Variants in SNX31 observed in about 807,000 individuals in gnomAD.
SNX31 encodes the protein sorting nexin 31.
In SNX31, 58 loss-of-function variants were observed where a neutral mutation model predicts 65.4. The ratio of observed to expected loss-of-function variants is 0.89; its 90% CI spans 0.72 to 1.10. SNX31 has a LOEUF of 1.10. Among genes scored for constraint, SNX31 ranks in the 50% least tolerant of loss-of-function variants. The pLI is 0.00. For synonymous variants in SNX31, 181 were observed against 190.1 expected (o/e 0.95, Z 0.39); for missense variants, 523 against 529.7 (o/e 0.99, Z 0.12).
chr8:100,651,792 C>T (rs77995987), upstream of SNX31, among the ~76,000 whole-genome samples: 76 of 152,298 alleles, frequency 5.0e-4, no homozygotes, highest in African/African-American at 1.8e-3. Context: ...ATTCTCATTT[C>T]ACAGATGGGG....
upstream of SNX31, among the ~76,000 whole-genome samples, chr8:100,651,287 C>T (rs545525184): frequency 6.6e-6 from 1 of 152,324 alleles, no homozygotes; most frequent in African/African-American, 2.4e-5. Flanking sequence ...CTCCCTATAC[C>T]AAGGCCAGGG....
chr8:100,661,007 AT>A (rs10641759), intron 1 of SNX31, among the ~76,000 whole-genome samples: 203 of 140,484 alleles, frequency 1.4e-3, no homozygotes, highest in Middle Eastern at 3.8e-3. Context: ...GCAGGTCGAT[AT>A]TTTTTTTTTT....
chr8:100,662,673 G>GA (rs1177298854), intron 1 of SNX31, among the ~76,000 whole-genome samples: 7 of 152,268 alleles, frequency 4.6e-5, no homozygotes, highest in African/African-American at 1.2e-4. Flanking sequence ...CTCCAGCCTA[G>GA]GCCACAGAGC....
intron 1 of SNX31, among the ~76,000 whole-genome samples, chr8:100,659,840 C>A (rs1809750082): frequency 6.6e-6 from 1 of 152,088 alleles, no homozygotes; most frequent in Non-Finnish European, 1.5e-5. Flanking sequence ...AAAATGAGGT[C>A]TTTCAAGACA....
At chr8:100,585,716 T>TAATA (rs1164806663) in intron 11 of SNX31, among the ~76,000 whole-genome samples, 1 of 152,022 alleles carries the variant, frequency 6.6e-6, no homozygotes, top group Non-Finnish European at 1.5e-5. Flanking sequence ...CAAAACCAGA[T>TAATA]AATAAAATAA....
intron 2 of SNX31, among the ~76,000 whole-genome samples, chr8:100,642,246 A>G (rs972549632): frequency 8.5e-5 from 13 of 152,156 alleles, no homozygotes; most frequent in African/African-American, 3.1e-4. Context: ...TGCTAATTCC[A>G]TTAAATAGAA....
chr8:100,574,845 G>T (rs1812912470), intron 13 of SNX31, among the ~76,000 whole-genome samples: 2 of 152,192 alleles, frequency 1.3e-5, no homozygotes, highest in South Asian at 4.2e-4. Flanking sequence ...GAGGCAGGAG[G>T]ATCGCTTGAA....
intron 10 of SNX31, among the ~76,000 whole-genome samples, chr8:100,592,926 C>G (rs1323263062): frequency 1.3e-5 from 2 of 152,162 alleles, no homozygotes; most frequent in Admixed American, 6.5e-5. Context: ...AAGCGGTTAC[C>G]TCCTCATGCC....
At chr8:100,611,016 A>G (rs1281537293) in intron 7 of SNX31, among the ~76,000 whole-genome samples, 1 of 151,958 alleles carries the variant, frequency 6.6e-6, no homozygotes, top group South Asian at 2.1e-4. Context: ...CCTGCTGCTC[A>G]GCGCTATTTT....
At chr8:100,589,297 G>C (rs1479379262) in intron 10 of SNX31, among the ~76,000 whole-genome samples, 2 of 110,442 alleles carry the variant, frequency 1.8e-5, no homozygotes, top group South Asian at 5.9e-4. Context: ...GTGAGACTTC[G>C]TCTCAAAAAA....
Position 100,657,153 on chromosome 8 carries a change from A to G in SNX31, c.-58+5989T>C, listed in dbSNP as rs187736970. ...AGACTTGAATTAATCAGGCATGGGA[A>G]GTAAAGAAAAGAAGGGAGGCTGGGC... On this transcript the variant is annotated intron_variant, in intron 1 of 5. Coordinates refer to the SNX31 transcript ENST00000520352. Among the ~76,000 whole-genome samples the G allele has an allele frequency of 1.1e-4, 16 of 151,998 alleles. No individual in the cohort carries two copies. The East Asian group carries it at 3.1e-3, about 29-fold the overall frequency.
At chr8:100,627,655 C>T (rs1284070797) in intron 4 of SNX31, among the ~76,000 whole-genome samples, 1 of 152,152 alleles carries the variant, frequency 6.6e-6, no homozygotes, top group African/African-American at 2.4e-5. Context: ...AATTCTGCCT[C>T]AGCCTCCCAA....
Position 100,622,365 on chromosome 8 carries a change from T to C in SNX31, c.322-4635A>G, listed in dbSNP as rs1321716437. 6.6e-6 allele frequency among the ~76,000 whole-genome samples: 1 copy of C among 152,148 alleles called. No individual in the cohort carries two copies. Among genetic ancestry groups the C allele is most frequent in the Non-Finnish European group, 1.5e-5 (1 of 68,018 alleles). On this transcript the variant is annotated intron_variant, in intron 4 of 13. Coordinates refer to ENST00000311812, the MANE Select transcript of SNX31 (RefSeq NM_152628.4). The surrounding 1 kb of genome is among the most constrained non-coding windows in gnomAD (Gnocchi z 5.0). Reference sequence around the variant, plus strand: ...GCATAGTAGCGTCCGCAATGGGGCATTTTCCAGGTGTGGTGGCTCACGCCT... The same window carrying C: ...GCATAGTAGCGTCCGCAATGGGGCACTTTCCAGGTGTGGTGGCTCACGCCT...
chr8:100,630,441 T>A lies in SNX31; in HGVS notation c.257-50A>T. On this transcript the variant is annotated intron_variant, in intron 3 of 13. Coordinates refer to ENST00000311812, the MANE Select transcript of SNX31 (RefSeq NM_152628.4). This position sits in a 1 kb window ranked among gnomAD's most constrained non-coding sequence, Gnocchi z 5.3. ...GGTTAGCATGGGCTGGGCTGGGCCC[T>A]GCCTATTAATTGCTATGTCCTCCAG... is the stretch of plus-strand genomic sequence containing the variant. 1.3e-6 allele frequency: 2 copies of A among 1,491,556 alleles called. No individual in the cohort carries two copies. The highest frequency in any genetic ancestry group is 1.8e-6 in the Non-Finnish European group (2 of 1,084,338). 92.4% of individuals were successfully genotyped at this position (1,491,556 alleles called of 1,614,324 possible). A position where few individuals can be genotyped will look rare whatever the true frequency, so the allele number is the denominator to read the frequency against.
rs1813059957 is a variant in SNX31 at position 100,576,540 on chromosome 8, T to A, written c.1227+479A>T. Among the ~76,000 whole-genome samples the A allele has an allele frequency of 6.6e-6, 1 of 152,212 alleles. No homozygotes were observed. Among genetic ancestry groups the A allele is most frequent in the African/African-American group, 2.4e-5 (1 of 41,462 alleles). On this transcript the variant is annotated intron_variant, in intron 13 of 13. Transcript: ENST00000311812. This position sits in a 1 kb window ranked among gnomAD's most constrained non-coding sequence, Gnocchi z 4.8. Reference sequence around the variant, plus strand: ...AATGTGTTAATTCACATAAAAGTGCTTAGAATACTGCCTGGCAATAATGAG... The same window carrying A: ...AATGTGTTAATTCACATAAAAGTGCATAGAATACTGCCTGGCAATAATGAG...
chr8:100,574,068 T>C, intron 13 of SNX31, 108 bp from the exon 14 acceptor site: 1 of 584,824 alleles, frequency 1.7e-6, no homozygotes, highest in Non-Finnish European at 2.9e-6. Context: ...ACAGAAAGCT[T>C]ACATTTGTAT....
rs1816802900 is a variant in SNX31, at chr8:100,612,491, A to G, written c.524-404T>C. On this transcript the variant is annotated intron_variant, in intron 6 of 13. Transcript: ENST00000311812. This position sits in a 1 kb window ranked among gnomAD's most constrained non-coding sequence, Gnocchi z 4.3. ...ATAACTGATACCATTTTACAAAAAA[A>G]AAAAACTTGTAATATCTAGAAACAT... Among the ~76,000 whole-genome samples the G allele has an allele frequency of 6.6e-6, 1 of 152,230 alleles. No homozygotes were observed. Among genetic ancestry groups the G allele is most frequent in the South Asian group, 2.1e-4 (1 of 4,834 alleles).
chr8:100,603,852 CCCAGCCT>C (rs1815891323), intron 8 of SNX31, among the ~76,000 whole-genome samples: 2 of 151,854 alleles, frequency 1.3e-5, no homozygotes, highest in East Asian at 3.9e-4. Flanking sequence ...ATAGTCTTGC[CCCAGCCT>C]CCCGAGTAGC....
At position 100,631,017 on chromosome 8, in the gene SNX31, A is replaced by G. The variant is rs113266625; in HGVS notation, c.257-626T>C. ...TGGCCAGGCTGGTCTCAAATGCCCA[A>G]CCTCAGGTGATCTGCCTGCCTTGGC... On this transcript the variant is annotated intron_variant, in intron 3 of 13. Coordinates refer to ENST00000311812, the MANE Select transcript of SNX31 (RefSeq NM_152628.4). Among the ~76,000 whole-genome samples, 8 of 152,178 alleles carry G rather than the reference A, an allele frequency of 5.3e-5. 1 individual carries two copies. Among genetic ancestry groups the G allele is most frequent in the African/African-American group, 1.9e-4 (8 of 41,516 alleles).
Sources: gnomAD v4.1 joint callset for allele counts (sites outside exome capture counted in the v4.1 genomes callset) on GRCh38, gnomAD v4.1.1 for gene constraint, Gnocchi (gnomAD v3.1) non-coding constraint, MANE v1.5 for transcripts, NCBI Gene and HGNC (gene_info 2026-07-23, HGNC 2026-07-21) for gene names.